TLN1: variants seen among roughly 807,000 people sequenced by gnomAD.
The protein encoded by TLN1 is talin 1, also known as talin-1.
In TLN1, 56 loss-of-function variants were observed where a neutral mutation model predicts 292.3. The ratio of observed to expected loss-of-function variants is 0.19; its 90% CI spans 0.15 to 0.24. TLN1 has a LOEUF of 0.24. TLN1 is among the 10% of genes least tolerant of loss of function. The probability of loss-of-function intolerance (pLI) is 1.00; values close to 1 mark genes in which losing one functional copy is unlikely to be tolerated. For missense variants in TLN1, 2,433 were observed against 3,248.2 expected, an observed-to-expected ratio of 0.75 and a Z score of 6.10; for synonymous variants, 1,119 against 1,253.7, an observed-to-expected ratio of 0.89 and a Z score of 2.27.
At chr9:35,727,140 T>C (rs1825991901) in intron 1 of TLN1, among the ~76,000 whole-genome samples, 1 of 152,162 alleles carries the variant, frequency 6.6e-6, no homozygotes, top group South Asian at 2.1e-4. Flanking sequence ...CTGCTGCTGA[T>C]GTGCCCCTGC....
In TLN1 at chr9:35,717,400, T is replaced by C. The variant is rs1382468166; in HGVS notation, c.2204A>G (p.Gln735Arg). 3.1e-6 allele frequency: 5 copies of C among 1,614,096 alleles called. No individual in the cohort carries two copies. The highest frequency in any genetic ancestry group is 4.2e-6 in the Non-Finnish European group (5 of 1,179,960). ...TACCAGTCGTCCAGCCTCCACCAGT[T>C]GCTCTTGGCAGACAGGTGAGCTGAT... ...PTISSPVCQE[Q>R]LVEAGRLVAK... The change falls in exon 19 of 57, where the codon CAA becomes CGA. Residue 735 changes from glutamine to arginine, a missense_variant. Physicochemically the swap from Gln to Arg is conservative, Grantham distance 43. Around this residue, in one of 7 missense-constraint regions of TLN1, gnomAD observed 617 missense variants for 770.6 expected, o/e 0.80. Transcript: ENST00000314888. The surrounding 1 kb of genome is among the most constrained non-coding windows in gnomAD (Gnocchi z 4.7).
rs182049885 is a variant in TLN1 at position 35,712,994 on chromosome 9, G to A, written c.3402C>T (p.Ala1134=). The change falls in exon 27 of 57, where the codon GCC becomes GCT. Residue 1134 remains alanine (A), a synonymous_variant. Coordinates refer to ENST00000314888, the MANE Select transcript of TLN1 (RefSeq NM_006289.4). The part of the protein sequence containing the change: ...VAGGLRSLAQ[A]ARGVAALTSD... ...ACGTCAGTGCAGCGACTCCCCTAGC[G>A]GCCTGGGCCAGTGACCGCAGCCCAC... is the stretch of plus-strand genomic sequence containing the variant. The A allele has an allele frequency of 6.8e-4, 1,090 of 1,609,422 alleles. 11 individuals carry two copies. In the Admixed American group the frequency reaches 0.017, roughly 25 times the overall value.
At chr9:35,720,592 C>G in intron 11 of TLN1, 83 bp from the exon 12 acceptor site, 1 of 1,382,862 alleles carries the variant, frequency 7.2e-7, no homozygotes, top group African/African-American at 1.5e-5. Context: ...TTTCCATAAC[C>G]AGCCATTTTC....
Position 35,724,803 on chromosome 9 carries a change from G to C in TLN1, c.358+27C>G. On this transcript the variant is annotated intron_variant, in intron 4 of 56. Coordinates refer to ENST00000314888, the MANE Select transcript of TLN1 (RefSeq NM_006289.4). The surrounding 1 kb of genome is among the most constrained non-coding windows in gnomAD (Gnocchi z 4.7). ...AGAGAGTTGAGGCTTTCTGGCCCAG[G>C]CTTTCAACTGTACTAGGGCCCCTTA... 3 of 1,613,874 alleles carry C rather than the reference G, an allele frequency of 1.9e-6. No individual in the cohort carries two copies. The highest frequency in any genetic ancestry group is 2.5e-6 in the Non-Finnish European group (3 of 1,179,842).
chr9:35,722,041 C>G, intron 9 of TLN1, 78 bp downstream of exon 9: 3 of 1,402,484 alleles, frequency 2.1e-6, no homozygotes, highest in Non-Finnish European at 3.0e-6. Flanking sequence ...TGACTGAGGG[C>G]AAGGCCAGAG....
rs1217514071 is a variant in TLN1 at position 35,712,984 on chromosome 9, C to T, written c.3412G>A (p.Val1138Ile). Residue 1138 changes from valine (V) to isoleucine (I), a missense_variant, in exon 27 of 57, where the codon GTC becomes ATC. Physicochemically the swap from Val to Ile is conservative, Grantham distance 29. This residue lies in a region of TLN1 where 1,384 missense variants were observed against 1,699.6 expected (regional missense o/e 0.81). Coordinates refer to ENST00000314888, the MANE Select transcript of TLN1 (RefSeq NM_006289.4). ...GCAGGATCTGACGTCAGTGCAGCGACTCCCCTAGCGGCCTGGGCCAGTGAC... is the reference window on the plus strand; with the variant it reads ...GCAGGATCTGACGTCAGTGCAGCGATTCCCCTAGCGGCCTGGGCCAGTGAC... ...LRSLAQAARG[V>I]AALTSDPAVQ... 2.5e-6 allele frequency: 4 copies of T among 1,609,758 alleles called. No homozygotes were observed. The highest frequency in any genetic ancestry group is 8.5e-7 in the Non-Finnish European group (1 of 1,178,844).
chr9:35,731,823 C>T (rs1826085890), intron 1 of TLN1, among the ~76,000 whole-genome samples: 1 of 152,164 alleles, frequency 6.6e-6, no homozygotes, highest in Non-Finnish European at 1.5e-5. Context: ...CCGTCCCCGC[C>T]CTGCGCCCCG....
rs774555279 is a variant in TLN1 at position 35,704,069 on chromosome 9, G to A, written c.6153C>T (p.Ser2051=). Residue 2051 remains serine, a synonymous_variant, in exon 46 of 57, where the codon TCC becomes TCT. Transcript: ENST00000314888. This position sits in a 1 kb window ranked among gnomAD's most constrained non-coding sequence, Gnocchi z 6.9. ...QEKLAQAAQS[S]VATITRLADV... is the part of the protein sequence containing the mutation. ...CAGCGAGGCGGGTGATGGTCGCCAC[G>A]GAGGACTGGGCAGCCTGCGCCAACT... The A allele has an allele frequency of 1.4e-5, 22 of 1,613,660 alleles. No homozygotes were observed. Among genetic ancestry groups the A allele is most frequent in the African/African-American group, 2.7e-5 (2 of 74,908 alleles).
At position 35,724,038 on chromosome 9, in the gene TLN1, A is replaced by G. The variant is rs765564079; in HGVS notation, c.696T>C (p.Phe232=). 6.2e-7 allele frequency: 1 copy of G among 1,613,978 alleles called. No homozygotes were observed. The highest frequency in any genetic ancestry group is 1.1e-5 in the South Asian group (1 of 91,080). ...AGCCAGCAAACTCACAGGCCTTGTCAAAGGAGACAGGGTGGGAGCCATTCA... is the reference window on the plus strand; with the variant it reads ...AGCCAGCAAACTCACAGGCCTTGTCGAAGGAGACAGGGTGGGAGCCATTCA... ...DILNGSHPVS[F]DKACEFAGFQ... The change falls in exon 7 of 57, where the codon TTT becomes TTC. Residue 232 remains phenylalanine, a synonymous_variant. Transcript: ENST00000314888. This position sits in a 1 kb window ranked among gnomAD's most constrained non-coding sequence, Gnocchi z 4.7.
At position 35,698,255 on chromosome 9, in the gene TLN1, T is replaced by A; in HGVS notation, c.7371+68A>T. On this transcript the variant is annotated intron_variant, in intron 55 of 56. Transcript: ENST00000314888. This position sits in a 1 kb window ranked among gnomAD's most constrained non-coding sequence, Gnocchi z 5.3. The stretch of plus-strand genomic sequence containing the variant: ...GTACCTCAATTCTCTCATAGAAACA[T>A]ACATCTCGGGAGTGACAGTTTGAAG... The A allele has an allele frequency of 6.2e-7, 1 of 1,608,226 alleles. No homozygotes were observed. Among genetic ancestry groups the A allele is most frequent in the Non-Finnish European group, 8.5e-7 (1 of 1,175,646 alleles).
rs76951107 is a variant in TLN1, at chr9:35,710,508, A to G, written c.4326+53T>C. On this transcript the variant is annotated intron_variant, in intron 33 of 56. Transcript: ENST00000314888. ...CTACAGGTATGTCAGGCTGAGAGAA[A>G]ATGGGGTAAAGAAAGTAGGGGCCAT... 5,175 of 1,583,132 alleles carry G rather than the reference A, an allele frequency of 3.3e-3. 136 individuals carry two copies. In the African/African-American group the frequency reaches 0.061, roughly 19 times the overall value.
chr9:35,721,651 G>C lies in TLN1; in HGVS notation c.1101C>G (p.Thr367=). 1.2e-6 allele frequency: 2 copies of C among 1,612,366 alleles called. No homozygotes were observed. Among genetic ancestry groups the C allele is most frequent in the African/African-American group, 2.7e-5 (2 of 75,000 alleles). ...TTGTTATAGTCCCCAGACTTACCAG[G>C]GTGAAGCTTTTGGGAGACGCAGCCC... ...KRWAASPKSF[T]LDFGDYQDGY... The change falls in exon 10 of 57, where the codon ACC becomes ACG. Residue 367 remains threonine, a synonymous_variant. Transcript: ENST00000314888.
At chr9:35,712,782 G>A (rs1825698356) in intron 27 of TLN1, 53 bp downstream of exon 27, 2 of 1,491,710 alleles carry the variant, frequency 1.3e-6, no homozygotes, top group South Asian at 2.5e-5. Flanking sequence ...AATCAGGGTG[G>A]GCCTTATGAA....
At chr9:35,702,754 G>C (rs1825487829) in intron 48 of TLN1, among the ~76,000 whole-genome samples, 1 of 151,952 alleles carries the variant, frequency 6.6e-6, no homozygotes, top group Non-Finnish European at 1.5e-5. Flanking sequence ...GCCTCCCAAA[G>C]TGCTGGGATT....
At chr9:35,710,769 TCTC>T in intron 32 of TLN1, 25 bp downstream of exon 32, 1 of 1,614,020 alleles carries the variant, frequency 6.2e-7, no homozygotes, top group Non-Finnish European at 8.5e-7. Flanking sequence ...TACTGCCCTC[TCTC>T]CTCCGAGTTC....
intron 2 of TLN1, 108 bp downstream of exon 2, chr9:35,725,457 G>C (rs1361540385): frequency 1.9e-6 from 3 of 1,542,964 alleles, no homozygotes; most frequent in Non-Finnish European, 2.7e-6. Context: ...ACAGACCTGA[G>C]GGGTGAGTAG....
chr9:35,716,317 T>C, intron 20 of TLN1, 73 bp downstream of exon 20: 1 of 1,551,190 alleles, frequency 6.4e-7, no homozygotes, highest in Non-Finnish European at 8.8e-7. Flanking sequence ...CCTCATCAGA[T>C]GAGGGTGACC....
intron 8 of TLN1, 40 bp from the exon 9 acceptor site, chr9:35,722,263 T>C: frequency 1.9e-6 from 3 of 1,547,288 alleles, no homozygotes; most frequent in Non-Finnish European, 2.7e-6. Flanking sequence ...AAGAGTTTCA[T>C]ATCACAGCTA....
At chr9:35,723,861 G>A (rs1825920828) in intron 7 of TLN1, 91 bp downstream of exon 7, 2 of 1,560,914 alleles carry the variant, frequency 1.3e-6, no homozygotes, top group Non-Finnish European at 1.7e-6. Flanking sequence ...AGAAATAGTG[G>A]GGGGCAGGCT....
Sources: gnomAD v4.1 joint callset for allele counts (sites outside exome capture counted in the v4.1 genomes callset) on GRCh38, gnomAD v4.1.1 for gene constraint, gnomAD v4.1.1 regional missense constraint, Gnocchi (gnomAD v3.1) non-coding constraint, MANE v1.5 for transcripts, NCBI Gene and HGNC (gene_info 2026-07-23, HGNC 2026-07-21) for gene names.